The following WFDC2 variants were observed in gnomAD, a reference collection of about 807,000 sequenced individuals.
WFDC2 encodes the protein WAP four-disulfide core domain protein 2.
Under a neutral mutation model 12.5 loss-of-function variants are expected in WFDC2, and 8 were observed. The observed-to-expected ratio is 0.64, with a 90% CI of 0.37 to 1.15. The LOEUF (loss-of-function observed/expected upper bound fraction) is 1.15. Ranked by LOEUF, WFDC2 falls within the 50% of genes most tolerant of loss-of-function variation. The pLI, the probability that WFDC2 is intolerant of heterozygous loss-of-function variation, is 0.01. For missense variants in WFDC2, 166 were observed against 159.9 expected (o/e 1.04, Z -0.21); for synonymous variants, 74 against 67.2 (o/e 1.10, Z -0.49).
chr20:45,480,628 CA>C (rs935164411), intron 3 of WFDC2, among the ~76,000 whole-genome samples: 11 of 151,944 alleles, frequency 7.2e-5, no homozygotes, highest in Non-Finnish European at 1.3e-4. Flanking sequence ...AAATTAAAAA[CA>C]AACAAACAAA....
intron 2 of WFDC2, 190 bp from the exon 3 acceptor site, chr20:45,479,752 A>C: frequency 1.9e-6 from 3 of 1,614,008 alleles, no homozygotes; most frequent in Non-Finnish European, 2.5e-6. Context: ...ATTTGGGAGC[A>C]GGAGGAGGGA....
intron 2 of WFDC2, among the ~76,000 whole-genome samples, chr20:45,474,690 A>G (rs148461346): frequency 0.07 from 10,627 of 152,246 alleles, 427 homozygotes; most frequent in South Asian, 0.13. Flanking sequence ...CTGGCCTCAT[A>G]AAATGAATTA....
chr20:45,478,225 A>T (rs559716977), intron 2 of WFDC2, among the ~76,000 whole-genome samples: 2 of 152,226 alleles, frequency 1.3e-5, no homozygotes, highest in South Asian at 4.2e-4. Context: ...AAAATCCTGC[A>T]GCTAGCTCAG....
chr20:45,470,464 A>G lies in WFDC2; in HGVS notation c.155A>G (p.Asp52Gly). Residue 52 changes from aspartate to glycine, a missense_variant, in exon 2 of 4, where the codon GAC becomes GGC. Transcript: ENST00000372676. The surrounding 1 kb of genome is among the most constrained non-coding windows in gnomAD (Gnocchi z 5.4). Reference protein sequence around the residue: ...DQNCTQECVSDSECADNLKCC... With the variant: ...DQNCTQECVSGSECADNLKCC... Reference sequence around the variant, plus strand: ...AACTGCACGCAAGAGTGCGTCTCGGACAGCGAATGCGCCGACAACCTCAAG... The same window carrying G: ...AACTGCACGCAAGAGTGCGTCTCGGGCAGCGAATGCGCCGACAACCTCAAG... 1 of 1,595,844 alleles carries G rather than the reference A, an allele frequency of 6.3e-7. No homozygotes were observed. The highest frequency in any genetic ancestry group is 1.1e-5 in the South Asian group (1 of 88,160).
chr20:45,475,952 T>C (rs4812904), intron 2 of WFDC2, among the ~76,000 whole-genome samples: 16,381 of 152,252 alleles, frequency 0.11, 1,304 homozygotes, highest in East Asian at 0.34. Flanking sequence ...TCTCTTTTGA[T>C]CTTTGTTGGT....
rs757484769 is a variant in WFDC2, at chr20:45,470,461, C to T, written c.152C>T (p.Ser51Leu). ...ADQNCTQECV[S>L]DSECADNLKC... Reference sequence around the variant, plus strand: ...CAGAACTGCACGCAAGAGTGCGTCTCGGACAGCGAATGCGCCGACAACCTC... The same window carrying T: ...CAGAACTGCACGCAAGAGTGCGTCTTGGACAGCGAATGCGCCGACAACCTC... Residue 51 changes from serine (S) to leucine (L), a missense_variant, in exon 2 of 4, where the codon TCG (serine) becomes TTG (leucine). By Grantham distance (145) the Ser-to-Leu change is moderately radical (BLOSUM62 -2). Coordinates refer to ENST00000372676, the MANE Select transcript of WFDC2 (RefSeq NM_006103.4). The surrounding 1 kb of genome is among the most constrained non-coding windows in gnomAD (Gnocchi z 5.4). The T allele has an allele frequency of 4.4e-6, 7 of 1,595,290 alleles. No individual in the cohort carries two copies. Among genetic ancestry groups the T allele is most frequent in the South Asian group, 3.4e-5 (3 of 88,114 alleles).
At chr20:45,471,883 C>T (rs1398940058) in intron 2 of WFDC2, among the ~76,000 whole-genome samples, 1 of 152,154 alleles carries the variant, frequency 6.6e-6, no homozygotes, top group Non-Finnish European at 1.5e-5. Context: ...CCTCTCTGAG[C>T]CTCTGCTCTA....
intron 2 of WFDC2, among the ~76,000 whole-genome samples, chr20:45,473,034 T>G (rs1210230968): frequency 6.6e-6 from 1 of 152,120 alleles, no homozygotes; most frequent in South Asian, 2.1e-4. Flanking sequence ...TCTAATGGGG[T>G]TTTTTTCTCG....
intron 2 of WFDC2, among the ~76,000 whole-genome samples, chr20:45,472,120 T>G (rs1991179755): frequency 9.1e-6 from 1 of 109,998 alleles, no homozygotes; most frequent in African/African-American, 4.2e-5. Context: ...CTTAACAACA[T>G]TTTTTTTTGT....
At chr20:45,472,806 G>T in intron 2 of WFDC2, among the ~76,000 whole-genome samples, 1 of 152,264 alleles carries the variant, frequency 6.6e-6, no homozygotes, top group Non-Finnish European at 1.5e-5. Context: ...ACACTCCCAC[G>T]AACAGTGTAA....
At chr20:45,481,058 T>C (rs1456282698) in intron 3 of WFDC2, among the ~76,000 whole-genome samples, 1 of 152,120 alleles carries the variant, frequency 6.6e-6, no homozygotes, top group Non-Finnish European at 1.5e-5. Context: ...GAAGGATTCT[T>C]GGGGAGAGAA....
chr20:45,479,768 A>G, intron 2 of WFDC2, 174 bp from the exon 3 acceptor site: 1 of 1,613,916 alleles, frequency 6.2e-7, no homozygotes, highest in Middle Eastern at 1.7e-4. Flanking sequence ...AGGGATTTGC[A>G]GGTGATCTTC....
rs1402881348 is a variant in WFDC2 at position 45,470,365 on chromosome 20, A to G, written c.80-24A>G. ...GGGCTGGCGCTACGCCCCACCCTCG[A>G]CTGTCCCGGGCCTCCCCTCCCAGGC... On this transcript the variant is annotated intron_variant, in intron 1 of 3. Transcript: ENST00000372676. The surrounding 1 kb of genome is among the most constrained non-coding windows in gnomAD (Gnocchi z 5.4). The G allele has an allele frequency of 4.5e-6, 7 of 1,565,486 alleles. No individual in the cohort carries two copies. Among genetic ancestry groups the G allele is most frequent in the South Asian group, 1.2e-5 (1 of 85,316 alleles).
chr20:45,476,766 T>C (rs1210255642), intron 2 of WFDC2, among the ~76,000 whole-genome samples: 1 of 152,186 alleles, frequency 6.6e-6, no homozygotes, highest in Non-Finnish European at 1.5e-5. Flanking sequence ...TGAACAGTGT[T>C]TTCCAACTTG....
chr20:45,471,101 G>A (rs183722419), intron 2 of WFDC2: 242 of 470,706 alleles, frequency 5.1e-4, no homozygotes, highest in African/African-American at 4.6e-3. Context: ...AGGTCACACC[G>A]CCATCCCATG....
chr20:45,470,611 A>G lies in WFDC2; in HGVS notation c.223+79A>G. 2 of 1,471,826 alleles carry G rather than the reference A, an allele frequency of 1.4e-6. No homozygotes were observed. Among genetic ancestry groups the G allele is most frequent in the Middle Eastern group, 2.4e-4 (1 of 4,186 alleles). 91.2% of individuals were successfully genotyped at this position (1,471,826 alleles called of 1,614,324 possible). ...GAGGTGGGAGGGCCCGGGTTCCGGG[A>G]ACAGGGGCGCCCCCGGACCCGGGGA... On this transcript the variant is annotated intron_variant, in intron 2 of 3. Transcript: ENST00000372676. The surrounding 1 kb of genome is among the most constrained non-coding windows in gnomAD (Gnocchi z 5.4).
chr20:45,475,307 G>A (rs1351621885), intron 2 of WFDC2, among the ~76,000 whole-genome samples: 1 of 152,116 alleles, frequency 6.6e-6, no homozygotes, highest in African/African-American at 2.4e-5. Flanking sequence ...TTTCCCTTGT[G>A]GGCATTTAGT....
rs1600845464 is a variant in WFDC2, at chr20:45,470,095, T to G, written c.79+235T>G. Among the ~76,000 whole-genome samples, 1 of 152,018 alleles carries G rather than the reference T, an allele frequency of 6.6e-6. No homozygotes were observed. Among genetic ancestry groups the G allele is most frequent in the Admixed American group, 6.5e-5 (1 of 15,278 alleles). On this transcript the variant is annotated intron_variant, in intron 1 of 3. Transcript: ENST00000372676. This position sits in a 1 kb window ranked among gnomAD's most constrained non-coding sequence, Gnocchi z 5.4. ...GAACGCGGACACTCCGTGGCTGCAG[T>G]GGGCTGGGGGTGGGGGCTGCTCTGC...
chr20:45,476,753 T>A (rs1991238226), intron 2 of WFDC2, among the ~76,000 whole-genome samples: 1 of 152,226 alleles, frequency 6.6e-6, no homozygotes, highest in African/African-American at 2.4e-5. Flanking sequence ...CTGTATAATA[T>A]CCTGAACAGT....
Sources: gnomAD v4.1 joint callset for allele counts (sites outside exome capture counted in the v4.1 genomes callset) on GRCh38, gnomAD v4.1.1 for gene constraint, Gnocchi (gnomAD v3.1) non-coding constraint, MANE v1.5 for transcripts, NCBI Gene and HGNC (gene_info 2026-07-23, HGNC 2026-07-21) for gene names.